The following FBXL7 variants were observed in gnomAD, a reference collection of about 807,000 sequenced individuals.
FBXL7 encodes F-box/LRR-repeat protein 7.
FBXL7 carries 12 observed loss-of-function variants against 38.3 expected under a neutral mutation model. The ratio of observed to expected loss-of-function variants is 0.31; its 90% CI spans 0.20 to 0.51. The LOEUF is 0.51. Among genes scored for constraint, FBXL7 ranks in the 20% least tolerant of loss-of-function variants. FBXL7 has a pLI of 0.98. For synonymous variants in FBXL7, 297 were observed against 300.9 expected, an observed-to-expected ratio of 0.99 and a Z score of 0.13; for missense variants, 567 against 676.4, an observed-to-expected ratio of 0.84 and a Z score of 1.79.
At chr5:15,635,024 T>A (rs945951191) in intron 2 of FBXL7, among the ~76,000 whole-genome samples, 2 of 140,526 alleles carry the variant, frequency 1.4e-5, no homozygotes, top group African/African-American at 5.2e-5. Flanking sequence ...GATTAGAATG[T>A]GGACAATTTT....
intron 2 of FBXL7, among the ~76,000 whole-genome samples, chr5:15,743,870 G>A (rs747944270): frequency 6.6e-5 from 10 of 152,198 alleles, no homozygotes; most frequent in East Asian, 3.9e-4. Flanking sequence ...CCAGCACCAC[G>A]TGTAATCCAC....
chr5:15,906,009 G>A (rs968732674), intron 2 of FBXL7, among the ~76,000 whole-genome samples: 4 of 152,096 alleles, frequency 2.6e-5, no homozygotes, highest in African/African-American at 7.2e-5. Context: ...TAAATGATGA[G>A]CCAGAATCCA....
chr5:15,713,845 T>C (rs1448999870), intron 2 of FBXL7, among the ~76,000 whole-genome samples: 1 of 152,186 alleles, frequency 6.6e-6, no homozygotes, highest in Admixed American at 6.5e-5. Context: ...GAAAGTTTGG[T>C]GGATGATAAA....
intron 2 of FBXL7, among the ~76,000 whole-genome samples, chr5:15,902,185 C>T (rs1424418368): frequency 1.3e-5 from 2 of 152,096 alleles, no homozygotes; most frequent in African/African-American, 4.8e-5. Flanking sequence ...GCTGAGTTTT[C>T]CCCCTTCCCC....
chr5:15,683,029 G>C lies in FBXL7; in HGVS notation c.127+66957G>C, dbSNP rs79062997. Among the ~76,000 whole-genome samples, 1,024 of 152,234 alleles carry C rather than the reference G, an allele frequency of 6.7e-3. 12 individuals are homozygous for C. Among genetic ancestry groups the C allele is most frequent in the African/African-American group, 0.023 (968 of 41,548 alleles). ...CCCCTGTAATGTTTACAAAAGCTAA[G>C]GGAAGGTGGTACATAGAATAAGAGA... On this transcript the variant is annotated intron_variant, in intron 2 of 3. Coordinates refer to ENST00000504595, the MANE Select transcript of FBXL7 (RefSeq NM_012304.5).
chr5:15,718,918 T>G (rs564340342), intron 2 of FBXL7, among the ~76,000 whole-genome samples: 16 of 152,302 alleles, frequency 1.1e-4, no homozygotes, highest in Admixed American at 3.3e-4. Context: ...AAGCCCAGAC[T>G]TTTCTCCAAG....
intron 2 of FBXL7, among the ~76,000 whole-genome samples, chr5:15,838,781 C>T (rs1367101509): frequency 6.6e-6 from 1 of 152,126 alleles, no homozygotes; most frequent in Non-Finnish European, 1.5e-5. Flanking sequence ...TGCTCTTCTT[C>T]CCTGGGGAGT....
intron 2 of FBXL7, among the ~76,000 whole-genome samples, chr5:15,741,681 A>T (rs1005056595): frequency 6.6e-6 from 1 of 152,202 alleles, no homozygotes; most frequent in African/African-American, 2.4e-5. Flanking sequence ...GCAAGGCGTG[A>T]GGCAAAAAAG....
intron 2 of FBXL7, among the ~76,000 whole-genome samples, chr5:15,797,948 T>A (rs543649458): frequency 6.6e-6 from 1 of 152,274 alleles, no homozygotes; most frequent in East Asian, 1.9e-4. Context: ...GTAATTTGGA[T>A]TTTTTTCCAC....
intron 2 of FBXL7, among the ~76,000 whole-genome samples, chr5:15,810,157 A>C (rs372721362): frequency 2.0e-4 from 31 of 152,176 alleles, no homozygotes; most frequent in Non-Finnish European, 3.8e-4. Flanking sequence ...TCAAAATTGA[A>C]GTCTATTTCT....
chr5:15,714,603 C>T (rs1228821727), intron 2 of FBXL7, among the ~76,000 whole-genome samples: 1 of 152,102 alleles, frequency 6.6e-6, no homozygotes, highest in African/African-American at 2.4e-5. Flanking sequence ...GCCTATAATC[C>T]CAGCCCTTTA....
At chr5:15,825,756 A>G (rs1738293613) in intron 2 of FBXL7, among the ~76,000 whole-genome samples, 1 of 152,190 alleles carries the variant, frequency 6.6e-6, no homozygotes, top group Non-Finnish European at 1.5e-5. Context: ...CTAAATTGCC[A>G]AAGATTTGAA....
At chr5:15,690,509 C>A (rs1025983465) in intron 2 of FBXL7, among the ~76,000 whole-genome samples, 1 of 152,064 alleles carries the variant, frequency 6.6e-6, no homozygotes, top group East Asian at 1.9e-4. Context: ...ATATTCATCG[C>A]CTCAAATATT....
intron 1 of FBXL7, among the ~76,000 whole-genome samples, chr5:15,567,857 T>G (rs1738638115): frequency 6.6e-6 from 1 of 152,156 alleles, no homozygotes; most frequent in Non-Finnish European, 1.5e-5. Flanking sequence ...TTTGGTTTTT[T>G]GTCCTTGCGA....
At chr5:15,679,551 CTTCA>C (rs1456025151) in intron 2 of FBXL7, among the ~76,000 whole-genome samples, 2 of 124,652 alleles carry the variant, frequency 1.6e-5, no homozygotes, top group African/African-American at 5.8e-5. Context: ...CCATAATATG[CTTCA>C]TTGTTTTTTT....
chr5:15,679,727 G>C (rs2126608518), intron 2 of FBXL7, among the ~76,000 whole-genome samples: 1 of 152,138 alleles, frequency 6.6e-6, no homozygotes, highest in African/African-American at 2.4e-5. Context: ...CTCAAGCATT[G>C]AATGACATTT....
At chr5:15,604,554 C>T (rs1042192825) in intron 1 of FBXL7, among the ~76,000 whole-genome samples, 1 of 152,104 alleles carries the variant, frequency 6.6e-6, no homozygotes, top group African/African-American at 2.4e-5. Flanking sequence ...AGGGTTTCGC[C>T]ATGTTGGTCA....
intron 2 of FBXL7, among the ~76,000 whole-genome samples, chr5:15,895,277 T>G (rs1003966299): frequency 6.6e-6 from 1 of 152,200 alleles, no homozygotes; most frequent in African/African-American, 2.4e-5. Context: ...TTTGATATTA[T>G]TTCCTGAATT....
intron 2 of FBXL7, among the ~76,000 whole-genome samples, chr5:15,635,327 A>G (rs1169906315): frequency 6.6e-6 from 1 of 152,176 alleles, no homozygotes; most frequent in African/African-American, 2.4e-5. Context: ...GATGGTCTCT[A>G]GGTAAACAGA....
Sources: gnomAD v4.1 joint callset for allele counts (sites outside exome capture counted in the v4.1 genomes callset) on GRCh38, gnomAD v4.1.1 for gene constraint, MANE v1.5 for transcripts, NCBI Gene and HGNC (gene_info 2026-07-23, HGNC 2026-07-21) for gene names.